The following NKIRAS1 variants were observed in gnomAD, a reference collection of about 807,000 sequenced individuals.
NKIRAS1 encodes NF-kappa-B inhibitor-interacting Ras-like protein 1.
Under a neutral mutation model 19.8 loss-of-function variants are expected in NKIRAS1, and 16 were observed. The observed-to-expected ratio is 0.81, with a 90% CI of 0.55 to 1.23. The LOEUF (loss-of-function observed/expected upper bound fraction) is 1.23, where lower values mean the gene tolerates loss of function less well. NKIRAS1 is among the 50% of genes most tolerant of loss of function. The pLI, the probability that NKIRAS1 is intolerant of heterozygous loss-of-function variation, is 0.00. For synonymous variants in NKIRAS1, 88 were observed against 79.0 expected (o/e 1.11, Z -0.61); for missense variants, 184 against 220.0 (o/e 0.84, Z 1.04).
In NKIRAS1 at chr3:23,890,494, A is replaced by ATTCT. The variant is rs775563681; in HGVS notation, c.*2597_*2600dup. ...TTTTCCTTTCTCCAAAGTAATCTAC[A>ATTCT]TTCTTTTCTTCCAGCCGACCCCTTG... On this transcript the variant is annotated 3_prime_UTR_variant, in exon 5 of 5. Transcript: ENST00000425478. 6.2e-7 allele frequency: 1 copy of ATTCT among 1,608,254 alleles called. No homozygotes were observed. Among genetic ancestry groups the ATTCT allele is most frequent in the Non-Finnish European group, 8.5e-7 (1 of 1,177,714 alleles).
chr3:23,900,230 T>C (rs1702375995), intron 4 of NKIRAS1, among the ~76,000 whole-genome samples: 1 of 152,024 alleles, frequency 6.6e-6, no homozygotes, highest in Admixed American at 6.6e-5. Context: ...TATGTAGTAC[T>C]TGAGATAAGA....
intron 4 of NKIRAS1, among the ~76,000 whole-genome samples, chr3:23,894,715 C>T (rs1488946441): frequency 1.3e-5 from 2 of 152,150 alleles, no homozygotes; most frequent in Non-Finnish European, 2.9e-5. Flanking sequence ...TCCCCTCCTA[C>T]CACTACCACA....
intron 3 of NKIRAS1, among the ~76,000 whole-genome samples, chr3:23,905,767 C>T (rs1702967853): frequency 6.7e-6 from 1 of 150,316 alleles, no homozygotes; most frequent in African/African-American, 2.5e-5. Context: ...ACCTTTTCAA[C>T]CCCAGAAAAG....
chr3:23,945,514 C>G, intron 1 of NKIRAS1: 1 of 1,019,296 alleles, frequency 9.8e-7, no homozygotes, highest in Non-Finnish European at 1.2e-6. Flanking sequence ...GGCGCTGAGG[C>G]GGCGGCGGCG....
chr3:23,920,739 C>A (rs147617531), upstream of NKIRAS1: 12 of 978,680 alleles, frequency 1.2e-5, no homozygotes, highest in Non-Finnish European at 1.3e-5. Context: ...CATAAAAGTT[C>A]TTGAGACCTA....
At chr3:23,911,024 A>G (rs1003072895) in intron 2 of NKIRAS1, 103 bp from the exon 3 acceptor site, 2 of 826,536 alleles carry the variant, frequency 2.4e-6, no homozygotes, top group Non-Finnish European at 3.9e-6. Flanking sequence ...GCACAGGGGA[A>G]ATTTTCAAAT....
intron 1 of NKIRAS1, among the ~76,000 whole-genome samples, chr3:23,936,678 C>G (rs1304835021): frequency 6.6e-6 from 1 of 152,148 alleles, no homozygotes; most frequent in East Asian, 1.9e-4. Context: ...TCCTGAGTAG[C>G]TGGGACCACA....
chr3:23,918,988 G>GAT (rs1467956588), upstream of NKIRAS1: 2 of 592,338 alleles, frequency 3.4e-6, no homozygotes, highest in African/African-American at 1.9e-5. Flanking sequence ...AAGAGGGAAT[G>GAT]ATGTGTTTCA....
At chr3:23,902,133 C>T (rs759103595) in intron 3 of NKIRAS1, among the ~76,000 whole-genome samples, 20 of 152,010 alleles carry the variant, frequency 1.3e-4, no homozygotes, top group Admixed American at 7.9e-4. Context: ...GAGGTAAAAT[C>T]ACATGGATAA....
chr3:23,940,043 A>C (rs1379217636), intron 1 of NKIRAS1, among the ~76,000 whole-genome samples: 1 of 152,002 alleles, frequency 6.6e-6, no homozygotes, highest in Non-Finnish European at 1.5e-5. Context: ...TTTAAATTTA[A>C]AAACTGACCG....
At chr3:23,945,104 G>A (rs895758679) in intron 1 of NKIRAS1, among the ~76,000 whole-genome samples, 5 of 151,408 alleles carry the variant, frequency 3.3e-5, no homozygotes, top group Admixed American at 6.6e-5. Flanking sequence ...AGGAAGAGGA[G>A]GGGCTCGGCA....
At chr3:23,905,881 G>A (rs184280088) in intron 3 of NKIRAS1, among the ~76,000 whole-genome samples, 17 of 152,022 alleles carry the variant, frequency 1.1e-4, no homozygotes, top group Non-Finnish European at 1.2e-4. Context: ...GGGAGAGGCC[G>A]GGTGCAGTGG....
At chr3:23,936,030 C>T (rs1455573899) in intron 1 of NKIRAS1, among the ~76,000 whole-genome samples, 1 of 125,440 alleles carries the variant, frequency 8.0e-6, no homozygotes, top group Non-Finnish European at 1.6e-5. Context: ...CTGCAGTGAG[C>T]TATAATCACG....
At chr3:23,928,999 T>TAAA (rs539612913) in intron 1 of NKIRAS1, among the ~76,000 whole-genome samples, 1 of 122,510 alleles carries the variant, frequency 8.2e-6, no homozygotes, top group Non-Finnish European at 1.8e-5. Context: ...TCCATCTCTT[T>TAAA]AAAAAAAAAA....
intron 3 of NKIRAS1, among the ~76,000 whole-genome samples, chr3:23,903,913 C>G (rs547085470): frequency 6.6e-6 from 1 of 152,276 alleles, no homozygotes; most frequent in East Asian, 1.9e-4. Flanking sequence ...ACCTGTAATA[C>G]CAGCACTTTG....
upstream of NKIRAS1, chr3:23,917,794 A>G (rs1476044421): frequency 3.3e-6 from 5 of 1,495,446 alleles, no homozygotes; most frequent in African/African-American, 2.8e-5. Context: ...GGACGGATAC[A>G]GTCGTCTTAT....
intron 1 of NKIRAS1, chr3:23,945,620 G>T: frequency 2.6e-6 from 3 of 1,175,836 alleles, no homozygotes; most frequent in Non-Finnish European, 3.2e-6. Context: ...CGGCGGGTGG[G>T]GGATGGCCGG....
At chr3:23,905,875 G>A (rs995517177) in intron 3 of NKIRAS1, among the ~76,000 whole-genome samples, 1 of 151,770 alleles carries the variant, frequency 6.6e-6, no homozygotes, top group South Asian at 2.1e-4. Flanking sequence ...AAACCAGGGA[G>A]AGGCCGGGTG....
At chr3:23,935,480 A>C (rs12489248) in intron 1 of NKIRAS1, among the ~76,000 whole-genome samples, 49,579 of 151,832 alleles carry the variant, frequency 0.33, 8,892 homozygotes, top group Middle Eastern at 0.46. Flanking sequence ...CAGTGGCATG[A>C]TCAGGGCTCA....
Sources: gnomAD v4.1 joint callset for allele counts (sites outside exome capture counted in the v4.1 genomes callset) on GRCh38, gnomAD v4.1.1 for gene constraint, MANE v1.5 for transcripts, NCBI Gene and HGNC (gene_info 2026-07-23, HGNC 2026-07-21) for gene names.